Variants in ERBB4 observed in about 807,000 individuals in gnomAD.
The protein encoded by ERBB4 is erb-b2 receptor tyrosine kinase 4.
ERBB4 carries 42 observed loss-of-function variants against 158.0 expected under a neutral mutation model. The observed-to-expected ratio is 0.27, with a 90% CI of 0.21 to 0.34. ERBB4 has a LOEUF of 0.34. Among genes scored for constraint, ERBB4 ranks in the 10% least tolerant of loss-of-function variants. The pLI is 1.00. For missense variants in ERBB4, 1,333 were observed against 1,624.1 expected, an observed-to-expected ratio of 0.82 and a Z score of 3.08; for synonymous variants, 583 against 558.7, an observed-to-expected ratio of 1.04 and a Z score of -0.61.
intron 20 of ERBB4, among the ~76,000 whole-genome samples, chr2:211,466,497 C>T (rs143817785): frequency 3.5e-4 from 54 of 152,154 alleles, no homozygotes; most frequent in Non-Finnish European, 6.5e-4. Flanking sequence ...GGATGCCAAG[C>T]TAGATTCTTT....
intron 3 of ERBB4, among the ~76,000 whole-genome samples, chr2:211,905,681 T>TATATATATAA (rs1480195605): frequency 9.0e-6 from 1 of 110,650 alleles, no homozygotes; most frequent in Non-Finnish European, 1.8e-5. Context: ...TATATATATA[T>TATATATATAA]ACACACATAT....
At chr2:211,684,017 AC>A (rs1328551352) in intron 12 of ERBB4, among the ~76,000 whole-genome samples, 2 of 151,950 alleles carry the variant, frequency 1.3e-5, no homozygotes, top group Non-Finnish European at 2.9e-5. Flanking sequence ...CGTATTTTTG[AC>A]CACTGTAATT....
At chr2:212,124,571 T>C (rs1341809042) in intron 2 of ERBB4, 181 bp downstream of exon 2, 3 of 649,288 alleles carry the variant, frequency 4.6e-6, no homozygotes, top group Non-Finnish European at 8.1e-6. Flanking sequence ...TCAGTCATTA[T>C]GGCTTTGTTA....
intron 3 of ERBB4, among the ~76,000 whole-genome samples, chr2:211,935,041 T>A (rs953591490): frequency 1.3e-5 from 2 of 151,858 alleles, no homozygotes; most frequent in Admixed American, 6.6e-5. Context: ...TGTCATGTGA[T>A]CCCCTTTCTT....
At chr2:212,155,600 C>T (rs544127805) in intron 1 of ERBB4, among the ~76,000 whole-genome samples, 5 of 152,042 alleles carry the variant, frequency 3.3e-5, no homozygotes, top group South Asian at 4.2e-4. Context: ...ACCCAAGAAG[C>T]GAGAGGTTCT....
At chr2:211,888,755 G>A (rs2078876594) in intron 3 of ERBB4, among the ~76,000 whole-genome samples, 3 of 151,800 alleles carry the variant, frequency 2.0e-5, no homozygotes, top group African/African-American at 7.3e-5. Context: ...AGGGGTCAGG[G>A]AGTTCCCTTT....
intron 13 of ERBB4, 101 bp downstream of exon 13, chr2:211,678,951 A>C: frequency 8.9e-7 from 1 of 1,128,604 alleles, no homozygotes; most frequent in Non-Finnish European, 1.2e-6. Flanking sequence ...AGGGCGACAG[A>C]GCGAGACTCC....
At chr2:211,622,708 C>A (rs1829612) in intron 18 of ERBB4, among the ~76,000 whole-genome samples, 138,379 of 151,402 alleles carry the variant, frequency 0.91, 63,320 homozygotes, top group African/African-American at 0.95. Context: ...GCTCATGCCT[C>A]TAATCCTAGC....
chr2:212,196,086 C>T (rs905793883), intron 1 of ERBB4, among the ~76,000 whole-genome samples: 3 of 152,066 alleles, frequency 2.0e-5, no homozygotes, highest in Non-Finnish European at 4.4e-5. Flanking sequence ...AAACCTATCC[C>T]CACCACCGGA....
intron 18 of ERBB4, among the ~76,000 whole-genome samples, chr2:211,619,889 T>A (rs921549021): frequency 6.6e-6 from 1 of 152,160 alleles, no homozygotes; most frequent in African/African-American, 2.4e-5. Flanking sequence ...AAAGCATGTG[T>A]ATATGTGTGT....
chr2:212,281,456 C>T (rs939153562), intron 1 of ERBB4, among the ~76,000 whole-genome samples: 12 of 151,784 alleles, frequency 7.9e-5, no homozygotes, highest in South Asian at 4.1e-4. Flanking sequence ...AAATCATCCA[C>T]AGAACTGTTG....
chr2:211,783,696 C>G (rs1403198381), intron 4 of ERBB4, among the ~76,000 whole-genome samples: 5 of 152,150 alleles, frequency 3.3e-5, no homozygotes, highest in African/African-American at 1.2e-4. Flanking sequence ...GTTGAACCAC[C>G]CTTGCATCCC....
intron 1 of ERBB4, among the ~76,000 whole-genome samples, chr2:212,456,498 G>C (rs371504800): frequency 1.4e-4 from 21 of 151,504 alleles, no homozygotes; most frequent in East Asian, 9.7e-4. Context: ...TTGTTCTTAA[G>C]TATAAAAAGA....
chr2:211,484,912 T>G lies in ERBB4; in HGVS notation c.2488-53812A>C, dbSNP rs116870221. On this transcript the variant is annotated intron_variant, in intron 20 of 27. Coordinates refer to ENST00000342788, the MANE Select transcript of ERBB4 (RefSeq NM_005235.3). ...ATGTATCCTCACAACCTGGACAAGT[T>G]GAACAGTCCAGCAGTGGCTACCATA... 1.4e-4 allele frequency among the ~76,000 whole-genome samples: 21 copies of G among 152,290 alleles called. No homozygotes were observed. The East Asian group carries it at 3.9e-3, about 28-fold the overall frequency.
At chr2:212,175,069 T>C (rs2081620946) in intron 1 of ERBB4, among the ~76,000 whole-genome samples, 1 of 152,020 alleles carries the variant, frequency 6.6e-6, no homozygotes, top group Non-Finnish European at 1.5e-5. Flanking sequence ...TGTCTGAACG[T>C]TTCTTATTCT....
chr2:211,881,520 A>G (rs1175598707), intron 3 of ERBB4, among the ~76,000 whole-genome samples: 1 of 143,174 alleles, frequency 7.0e-6, no homozygotes, highest in Middle Eastern at 3.4e-3. Context: ...TTGTTAGCAC[A>G]TGTATGACAA....
chr2:212,397,903 T>C (rs924974484), intron 1 of ERBB4, among the ~76,000 whole-genome samples: 2 of 152,056 alleles, frequency 1.3e-5, no homozygotes, highest in Admixed American at 6.6e-5. Flanking sequence ...TGTTTTAAAA[T>C]GGGAGAAACT....
chr2:212,317,296 T>C (rs950153625), intron 1 of ERBB4, among the ~76,000 whole-genome samples: 4 of 151,562 alleles, frequency 2.6e-5, no homozygotes, highest in African/African-American at 4.8e-5. Context: ...AGCTTTGTGA[T>C]AGTTTAAAAA....
Position 211,673,256 on chromosome 2 carries a change from C to A in ERBB4, c.1624G>T (p.Glu542Ter). The stretch of plus-strand genomic sequence containing the variant: ...GAGCCATTCTCAAACTCCCGAAATT[C>A]ACTGTGAAAACATCAGCCACATGAG... ...CIESCNLYDG[E>*]FREFENGSIC... The change falls in exon 14 of 28, where the codon GAA becomes TAA. Residue 542 changes from glutamate (E) to a stop codon, truncating the protein, a stop_gained and splice_region_variant. Transcript: ENST00000342788. LOFTEE classifies it high-confidence loss of function. 1 of 1,612,178 alleles carries A rather than the reference C, an allele frequency of 6.2e-7. No homozygotes were observed. Among genetic ancestry groups the A allele is most frequent in the South Asian group, 1.1e-5 (1 of 91,034 alleles).
Sources: allele counts gnomAD v4.1 joint callset (sites outside exome capture counted in the v4.1 genomes callset), GRCh38; gene constraint gnomAD v4.1.1; transcripts MANE v1.5; gene names NCBI Gene and HGNC (gene_info 2026-07-23, HGNC 2026-07-21).